KCNMA1: variants seen among roughly 807,000 people sequenced by gnomAD.
The protein encoded by KCNMA1 is potassium calcium-activated channel subfamily M alpha 1.
KCNMA1 carries 29 observed loss-of-function variants against 140.0 expected under a neutral mutation model. The ratio of observed to expected loss-of-function variants is 0.21; its 90% CI spans 0.15 to 0.28. The LOEUF (loss-of-function observed/expected upper bound fraction) is 0.28, where lower values mean the gene tolerates loss of function less well. Among genes scored for constraint, KCNMA1 ranks in the 10% least tolerant of loss-of-function variants. The pLI, the probability that KCNMA1 is intolerant of heterozygous loss-of-function variation, is 1.00. For missense variants in KCNMA1, 880 were observed against 1,602.2 expected, an observed-to-expected ratio of 0.55 and a Z score of 7.70; for synonymous variants, 612 against 611.9, an observed-to-expected ratio of 1.00 and a Z score of 0.00.
chr10:77,409,869 G>A (rs1387765812), intron 1 of KCNMA1, among the ~76,000 whole-genome samples: 4 of 152,200 alleles, frequency 2.6e-5, no homozygotes, highest in Admixed American at 6.5e-5. Flanking sequence ...CCTCCAGCAA[G>A]TCATGTCATT....
chr10:77,478,248 T>C (rs1603627798), intron 1 of KCNMA1, among the ~76,000 whole-genome samples: 1 of 152,338 alleles, frequency 6.6e-6, no homozygotes, highest in East Asian at 1.9e-4. Flanking sequence ...CACACTTTTA[T>C]AAAAGTCTAT....
chr10:76,964,212 G>A (rs1283435416), intron 20 of KCNMA1, among the ~76,000 whole-genome samples: 1 of 151,742 alleles, frequency 6.6e-6, no homozygotes, highest in African/African-American at 2.4e-5. Flanking sequence ...CTCAGGCCAG[G>A]CTGTAGCCAC....
rs1175819433 is a variant in KCNMA1 at position 76,993,445 on chromosome 10, A to C, written c.2266+7962T>G. Among the ~76,000 whole-genome samples the C allele has an allele frequency of 1.3e-5, 2 of 152,182 alleles. 1 individual carries two copies. The highest frequency in any genetic ancestry group is 3.9e-4 in the East Asian group (2 of 5,186). Reference sequence around the variant, plus strand: ...AGCTGGGGAGAATTAGGCTCATGGAATTCAGCTGCTCCAGAGCCACTAATT... The same window carrying C: ...AGCTGGGGAGAATTAGGCTCATGGACTTCAGCTGCTCCAGAGCCACTAATT... On this transcript the variant is annotated intron_variant, in intron 19 of 27. Coordinates refer to ENST00000286628, the MANE Select transcript of KCNMA1 (RefSeq NM_001161352.2).
At chr10:77,470,228 A>G (rs1470046657) in intron 1 of KCNMA1, among the ~76,000 whole-genome samples, 3 of 152,060 alleles carry the variant, frequency 2.0e-5, no homozygotes, top group African/African-American at 7.2e-5. Context: ...ATCCTGGGGG[A>G]GGGCCTGAGA....
At chr10:77,365,738 T>G (rs2094308909) in intron 2 of KCNMA1, among the ~76,000 whole-genome samples, 6 of 152,286 alleles carry the variant, frequency 3.9e-5, no homozygotes, top group Middle Eastern at 3.4e-3. Flanking sequence ...CCAAATGAGT[T>G]CTGAGAACCG....
At chr10:77,309,089 C>T (rs583264) in intron 2 of KCNMA1, among the ~76,000 whole-genome samples, 27,484 of 152,190 alleles carry the variant, frequency 0.18, 2,948 homozygotes, top group Admixed American at 0.25. Flanking sequence ...AACCACGTGC[C>T]GGCAGAGTGC....
chr10:77,265,543 C>G (rs911116630), intron 2 of KCNMA1, among the ~76,000 whole-genome samples: 1 of 152,146 alleles, frequency 6.6e-6, no homozygotes, highest in African/African-American at 2.4e-5. Context: ...GACAAAATCT[C>G]TTTAATATAT....
At chr10:77,268,434 G>C (rs1014179082) in intron 2 of KCNMA1, among the ~76,000 whole-genome samples, 4 of 152,114 alleles carry the variant, frequency 2.6e-5, no homozygotes, top group Non-Finnish European at 4.4e-5. Context: ...TGATGAGTAA[G>C]TGTTGTTTTT....
intron 2 of KCNMA1, among the ~76,000 whole-genome samples, chr10:77,367,138 C>T (rs1603428635): frequency 6.6e-6 from 1 of 152,138 alleles, no homozygotes; most frequent in African/African-American, 2.4e-5. Context: ...TCGGGGATGG[C>T]TTCCCTGGGA....
intron 1 of KCNMA1, among the ~76,000 whole-genome samples, chr10:77,574,298 C>T (rs1314396507): frequency 6.6e-6 from 1 of 151,500 alleles, no homozygotes; most frequent in African/African-American, 2.4e-5. Flanking sequence ...AGAATGTATC[C>T]ACATGTATAT....
intron 2 of KCNMA1, among the ~76,000 whole-genome samples, chr10:77,383,229 G>A (rs1010707027): frequency 4.0e-5 from 6 of 151,742 alleles, no homozygotes; most frequent in African/African-American, 1.5e-4. Flanking sequence ...CCACTCCTGG[G>A]CAGACCTCGA....
At chr10:76,897,491 A>G in intron 25 of KCNMA1, among the ~76,000 whole-genome samples, 1 of 152,226 alleles carries the variant, frequency 6.6e-6, no homozygotes, top group East Asian at 1.9e-4. Flanking sequence ...ATTTGTTCCA[A>G]AAATTCTACA....
intron 16 of KCNMA1, chr10:77,025,582 T>A: frequency 1.3e-6 from 1 of 744,308 alleles, no homozygotes; most frequent in Non-Finnish European, 2.3e-6. Context: ...GAAAACAAGG[T>A]TTTTTGGCAA....
At position 76,949,278 on chromosome 10, in the gene KCNMA1, C is replaced by T. The variant is rs773879015; in HGVS notation, c.2573G>A (p.Arg858Gln). Residue 858 changes from arginine to glutamine, a missense_variant, in exon 22 of 28, where the codon CGG becomes CAG. Arg to Gln is a conservative substitution (Grantham distance 43, BLOSUM62 1). Around this residue, in one of 13 missense-constraint regions of KCNMA1, gnomAD observed 82 missense variants for 170.1 expected, o/e 0.48. Coordinates refer to ENST00000286628, the MANE Select transcript of KCNMA1 (RefSeq NM_001161352.2). ...GDVSSALIGL[R>Q]NLVMPLRASN... ...GGCACGGAGCGGCATCACCAGGTTC[C>T]GGAGGCCGATCAGGGCTGAGCTGAC... 3.7e-6 allele frequency: 6 copies of T among 1,614,094 alleles called. No homozygotes were observed. The highest frequency in any genetic ancestry group is 1.1e-5 in the South Asian group (1 of 91,080).
intron 1 of KCNMA1, among the ~76,000 whole-genome samples, chr10:77,509,573 G>C (rs2047593336): frequency 6.6e-6 from 1 of 152,168 alleles, no homozygotes; most frequent in South Asian, 2.1e-4. Flanking sequence ...CTGCCATACT[G>C]TTTTCCACAG....
At chr10:77,228,260 C>T (rs909877268) in intron 3 of KCNMA1, among the ~76,000 whole-genome samples, 5 of 152,168 alleles carry the variant, frequency 3.3e-5, no homozygotes, top group Admixed American at 1.3e-4. Flanking sequence ...CCACCACACC[C>T]GGCCTAATTT....
intron 1 of KCNMA1, among the ~76,000 whole-genome samples, chr10:77,623,876 G>A (rs1003789996): frequency 6.6e-6 from 1 of 152,216 alleles, no homozygotes; most frequent in African/African-American, 2.4e-5. Flanking sequence ...GATTTGTGAA[G>A]TGTTAATGTA....
At chr10:77,090,761 C>T (rs1353556605) in intron 9 of KCNMA1, 4 of 562,456 alleles carry the variant, frequency 7.1e-6, no homozygotes, top group Non-Finnish European at 1.3e-5. Context: ...CTATTAAAAG[C>T]CCAACTGTTT....
intron 5 of KCNMA1, among the ~76,000 whole-genome samples, chr10:77,181,711 G>C (rs1436604447): frequency 6.6e-6 from 1 of 152,122 alleles, no homozygotes; most frequent in South Asian, 2.1e-4. Flanking sequence ...GACTCTACTA[G>C]CCTCATCAGG....
Sources: allele counts gnomAD v4.1 joint callset (sites outside exome capture counted in the v4.1 genomes callset), GRCh38; gene constraint gnomAD v4.1.1; regional missense constraint gnomAD v4.1.1; transcripts MANE v1.5; gene names NCBI Gene and HGNC (gene_info 2026-07-23, HGNC 2026-07-21).